Variants in ATP8A1 observed in about 807,000 individuals in gnomAD.
ATP8A1 encodes the protein ATPase phospholipid transporting 8A1.
Under a neutral mutation model 177.7 loss-of-function variants are expected in ATP8A1, and 90 were observed. That is an observed-to-expected ratio of 0.51 (90% CI 0.43 to 0.60). The LOEUF (loss-of-function observed/expected upper bound fraction) is 0.60. Among genes scored for constraint, ATP8A1 ranks in the 20% least tolerant of loss-of-function variants. The probability of loss-of-function intolerance (pLI) is 0.00; values close to 1 mark genes in which losing one functional copy is unlikely to be tolerated. For missense variants in ATP8A1, 1,072 were observed against 1,392.8 expected (o/e 0.77, Z 3.67); for synonymous variants, 493 against 485.9 (o/e 1.01, Z -0.19).
intron 1 of ATP8A1, among the ~76,000 whole-genome samples, chr4:42,653,429 G>GT (rs1262848616): frequency 6.6e-6 from 1 of 152,196 alleles, no homozygotes; most frequent in Non-Finnish European, 1.5e-5. Context: ...GCCTGTAACA[G>GT]TAGTTGAAGT....
At chr4:42,592,699 T>C (rs932285826) in intron 6 of ATP8A1, among the ~76,000 whole-genome samples, 1 of 152,146 alleles carries the variant, frequency 6.6e-6, no homozygotes, top group Non-Finnish European at 1.5e-5. Context: ...AGGGTACCTA[T>C]ACAAACCTAG....
At chr4:42,539,489 T>C (rs1056111717) in intron 20 of ATP8A1, among the ~76,000 whole-genome samples, 18 of 142,462 alleles carry the variant, frequency 1.3e-4, no homozygotes, top group Non-Finnish European at 1.2e-4. Context: ...AGAGCCCAAA[T>C]AGCTAAAATA....
At chr4:42,570,895 T>C (rs1044314143) in intron 14 of ATP8A1, among the ~76,000 whole-genome samples, 1 of 152,250 alleles carries the variant, frequency 6.6e-6, no homozygotes, top group Non-Finnish European at 1.5e-5. Flanking sequence ...TAGCCTCACA[T>C]AGACCTCTAT....
intron 1 of ATP8A1, among the ~76,000 whole-genome samples, chr4:42,635,782 C>CATATATTAT (rs1739249785): frequency 3.8e-5 from 2 of 51,992 alleles, no homozygotes; most frequent in Admixed American, 2.1e-4. Flanking sequence ...CACACACACA[C>CATATATTAT]ATATATATAT....
At chr4:42,568,301 T>C (rs1471512263) in intron 15 of ATP8A1, among the ~76,000 whole-genome samples, 4 of 152,198 alleles carry the variant, frequency 2.6e-5, no homozygotes, top group Non-Finnish European at 5.9e-5. Context: ...ATTTAAATGA[T>C]GTTATTCGAC....
intron 1 of ATP8A1, among the ~76,000 whole-genome samples, chr4:42,628,963 T>A (rs1018516679): frequency 2.0e-5 from 3 of 152,332 alleles, no homozygotes; most frequent in African/African-American, 7.2e-5. Context: ...TGTCCTTAGC[T>A]GAGGAACTGG....
chr4:42,456,133 C>A (rs1193119408), intron 27 of ATP8A1, among the ~76,000 whole-genome samples: 3 of 152,250 alleles, frequency 2.0e-5, no homozygotes, highest in African/African-American at 7.2e-5. Flanking sequence ...CTCTGCTCCA[C>A]CCCCTTAATA....
At chr4:42,596,666 C>CAAAAAAAA (rs71648737) in intron 6 of ATP8A1, among the ~76,000 whole-genome samples, 5 of 74,004 alleles carry the variant, frequency 6.8e-5, no homozygotes, top group African/African-American at 1.0e-4. Context: ...GACTCCATCT[C>CAAAAAAAA]AAAAAAAAAA....
chr4:42,603,064 T>G (rs532320999), intron 5 of ATP8A1, among the ~76,000 whole-genome samples: 2 of 151,226 alleles, frequency 1.3e-5, no homozygotes, highest in Admixed American at 6.6e-5. Flanking sequence ...TAGTTTTTTT[T>G]AAAAAAAAAC....
At chr4:42,422,689 C>A in intron 35 of ATP8A1, 118 bp downstream of exon 35, 1 of 759,598 alleles carries the variant, frequency 1.3e-6, no homozygotes, top group Non-Finnish European at 2.1e-6. Context: ...CCCAAACCTG[C>A]CAATGACACT....
intron 20 of ATP8A1, among the ~76,000 whole-genome samples, chr4:42,525,125 G>T (rs896121070): frequency 1.3e-5 from 2 of 151,678 alleles, no homozygotes; most frequent in East Asian, 3.9e-4. Context: ...TCCACATGCT[G>T]CAAGATCTAC....
At chr4:42,625,433 T>C (rs1193163247) in intron 3 of ATP8A1, 181 bp downstream of exon 3, 21 of 456,670 alleles carry the variant, frequency 4.6e-5, no homozygotes, top group East Asian at 2.8e-4. Flanking sequence ...AATAAGCTGA[T>C]AAAAATGAAT....
intron 25 of ATP8A1, among the ~76,000 whole-genome samples, chr4:42,467,654 C>A (rs1423403842): frequency 6.6e-6 from 1 of 152,168 alleles, no homozygotes; most frequent in Non-Finnish European, 1.5e-5. Flanking sequence ...GATGGCGCCA[C>A]TGCACTCCAG....
At chr4:42,442,640 C>T (rs1222962719) in intron 33 of ATP8A1, among the ~76,000 whole-genome samples, 1 of 152,182 alleles carries the variant, frequency 6.6e-6, no homozygotes, top group Non-Finnish European at 1.5e-5. Flanking sequence ...AATGTGTCTG[C>T]ATTCTGCTAA....
At chr4:42,624,096 T>C in intron 4 of ATP8A1, among the ~76,000 whole-genome samples, 1 of 151,642 alleles carries the variant, frequency 6.6e-6, no homozygotes, top group Non-Finnish European at 1.5e-5. Context: ...TTTAAAAAAA[T>C]GAGATAAAGG....
intron 22 of ATP8A1, among the ~76,000 whole-genome samples, chr4:42,514,307 G>T (rs538213709): frequency 6.6e-6 from 1 of 152,098 alleles, no homozygotes; most frequent in Non-Finnish European, 1.5e-5. Flanking sequence ...CAAAAACAAC[G>T]CATCCATCTT....
rs748912126 is a variant in ATP8A1, at chr4:42,656,834, G to A, written c.40C>T (p.Arg14Cys). The A allele has an allele frequency of 6.3e-7, 1 of 1,582,548 alleles. No homozygotes were observed. Among genetic ancestry groups the A allele is most frequent in the Admixed American group, 1.7e-5 (1 of 57,194 alleles). The change falls in exon 1 of 37, where the codon CGC (arginine) becomes TGC (cysteine). Residue 14 changes from arginine to cysteine, a missense_variant. Physicochemically the swap from Arg to Cys is radical, Grantham distance 180. Around this residue, in one of 5 missense-constraint regions of ATP8A1, gnomAD observed 344 missense variants for 393.5 expected, o/e 0.87. Coordinates refer to ENST00000381668, the MANE Select transcript of ATP8A1 (RefSeq NM_006095.2). ...MRRTVSEIRS[R>C]AEGYEKTDDV... Reference sequence around the variant, plus strand: ...CTCGGCGGCCCCTTACCTTCGGCGCGCGAGCGGATCTCCGACACGGTCCTC... The same window carrying A: ...CTCGGCGGCCCCTTACCTTCGGCGCACGAGCGGATCTCCGACACGGTCCTC...
intron 14 of ATP8A1, among the ~76,000 whole-genome samples, chr4:42,574,404 T>C (rs1732203574): frequency 6.6e-6 from 1 of 152,208 alleles, no homozygotes; most frequent in African/African-American, 2.4e-5. Flanking sequence ...AAAATACCAT[T>C]GGGCAGAGCA....
In ATP8A1 at chr4:42,581,647, T is replaced by G. The variant is rs754401459; in HGVS notation, c.808A>C (p.Thr270Pro). The G allele has an allele frequency of 6.2e-7, 1 of 1,613,972 alleles. No individual in the cohort carries two copies. Among genetic ancestry groups the G allele is most frequent in the Non-Finnish European group, 8.5e-7 (1 of 1,179,922 alleles). ...TQWVHGIVVYTGHDTKLMQNS... is the reference protein window; with the variant it reads ...TQWVHGIVVYPGHDTKLMQNS... The stretch of plus-strand genomic sequence containing the variant: ...TGCATCAGCTTGGTGTCATGTCCAG[T>G]GTAGACAACTATTCCATGAACCCAC... The change falls in exon 10 of 37, where the codon ACT becomes CCT. Residue 270 changes from threonine (T) to proline (P), a missense_variant. Transcript: ENST00000381668.
Sources: allele counts gnomAD v4.1 joint callset (sites outside exome capture counted in the v4.1 genomes callset), GRCh38; gene constraint gnomAD v4.1.1; regional missense constraint gnomAD v4.1.1; transcripts MANE v1.5; gene names NCBI Gene and HGNC (gene_info 2026-07-23, HGNC 2026-07-21).